The following FAT3 variants were observed in gnomAD, a reference collection of about 807,000 sequenced individuals.
FAT3 encodes the protein FAT atypical cadherin 3.
FAT3 carries 95 observed loss-of-function variants against 310.2 expected under a neutral mutation model. The observed-to-expected ratio is 0.31, with a 90% CI of 0.26 to 0.36. The LOEUF (loss-of-function observed/expected upper bound fraction) is 0.36, where lower values mean the gene tolerates loss of function less well. Among genes scored for constraint, FAT3 ranks in the 10% least tolerant of loss-of-function variants. The probability of loss-of-function intolerance (pLI) is 1.00; values close to 1 mark genes in which losing one functional copy is unlikely to be tolerated. For missense variants in FAT3, 5,408 were observed against 5,715.6 expected (o/e 0.95, Z 1.74); for synonymous variants, 2,314 against 2,192.9 (o/e 1.06, Z -1.54).
Position 92,474,477 on chromosome 11 carries a change from G to T in FAT3, c.3293-50157G>T, listed in dbSNP as rs1444506838. Reference sequence around the variant, plus strand: ...TCTACCTTAACTGGTTGTAATTCATGTATCAAATGTGTTCAGTGTGCTGGG... The same window carrying T: ...TCTACCTTAACTGGTTGTAATTCATTTATCAAATGTGTTCAGTGTGCTGGG... On this transcript the variant is annotated intron_variant, in intron 2 of 27. Transcript: ENST00000525166. Among the ~76,000 whole-genome samples, 5 of 152,134 alleles carry T rather than the reference G, an allele frequency of 3.3e-5. No individual in the cohort carries two copies. In the East Asian group the frequency reaches 9.7e-4, roughly 29 times the overall value.
At chr11:92,755,593 G>GT (rs1219184821) in intron 4 of FAT3, among the ~76,000 whole-genome samples, 1 of 152,194 alleles carries the variant, frequency 6.6e-6, no homozygotes, top group Non-Finnish European at 1.5e-5. Context: ...TAATTAACCT[G>GT]TTTTAGCCAT....
In FAT3 at chr11:92,847,395, C is replaced by T. The variant is rs187094363; in HGVS notation, c.11365+2663C>T. Among the ~76,000 whole-genome samples, 6 of 152,272 alleles carry T rather than the reference C, an allele frequency of 3.9e-5. No individual in the cohort carries two copies. The East Asian group carries it at 1.2e-3, about 29-fold the overall frequency. On this transcript the variant is annotated intron_variant, in intron 19 of 27. Coordinates refer to ENST00000525166, the MANE Select transcript of FAT3 (RefSeq NM_001367949.2). ...CTGGGTGCATAGTAGGCTGTGCTAT[C>T]TAGGTTTGTGTAAGCGCACTCTATG...
intron 1 of FAT3, among the ~76,000 whole-genome samples, chr11:92,247,430 A>AAAC (rs1864962453): frequency 6.6e-6 from 1 of 151,560 alleles, no homozygotes; most frequent in Admixed American, 6.6e-5. Context: ...TGCTGAAGTA[A>AAAC]TTCACCGCAC....
At chr11:92,665,699 GC>G (rs34950972) in intron 3 of FAT3, among the ~76,000 whole-genome samples, 1 of 152,090 alleles carries the variant, frequency 6.6e-6, no homozygotes, top group Admixed American at 6.5e-5. Flanking sequence ...TGGTCTATTT[GC>G]CCATGTTCTC....
intron 13 of FAT3, among the ~76,000 whole-genome samples, chr11:92,831,353 GA>G (rs1454711494): frequency 2.0e-5 from 3 of 152,170 alleles, no homozygotes; most frequent in Non-Finnish European, 4.4e-5. Context: ...TTTTCTTAAA[GA>G]TTTGTGGGGG....
At chr11:92,757,811 A>C (rs1946044351) in intron 4 of FAT3, among the ~76,000 whole-genome samples, 1 of 152,224 alleles carries the variant, frequency 6.6e-6, no homozygotes, top group Non-Finnish European at 1.5e-5. Flanking sequence ...CTCACAGTGC[A>C]CTGAAGGAGA....
At chr11:92,827,776 CCA>C (rs1948138525) in intron 13 of FAT3, among the ~76,000 whole-genome samples, 1 of 152,170 alleles carries the variant, frequency 6.6e-6, no homozygotes, top group South Asian at 2.1e-4. Flanking sequence ...CTATCCCACT[CCA>C]CAAATTGCCA....
At chr11:92,594,225 C>T (rs916106982) in intron 3 of FAT3, among the ~76,000 whole-genome samples, 1 of 152,120 alleles carries the variant, frequency 6.6e-6, no homozygotes, top group African/African-American at 2.4e-5. Flanking sequence ...GGCAGATCAC[C>T]CAAGGTCAGG....
intron 2 of FAT3, among the ~76,000 whole-genome samples, chr11:92,476,502 A>G (rs1057365043): frequency 3.9e-5 from 6 of 152,200 alleles, no homozygotes; most frequent in Non-Finnish European, 5.9e-5. Context: ...CCTTGTACAC[A>G]TACACATGCA....
At position 92,583,510 on chromosome 11, in the gene FAT3, G is replaced by A. The variant is rs550185062; in HGVS notation, c.3607+58562G>A. Among the ~76,000 whole-genome samples, 26 of 152,058 alleles carry A rather than the reference G, an allele frequency of 1.7e-4. No individual in the cohort carries two copies. The South Asian group carries it at 5.4e-3, about 32-fold the overall frequency. ...ACATAATCTGTCTCCAGGAACCTTA[G>A]CAAAACCGCAAAGTATAAATGATGT... On this transcript the variant is annotated intron_variant, in intron 3 of 27. Transcript: ENST00000525166.
chr11:92,351,966 A>G, intron 1 of FAT3, 130 bp from the exon 2 acceptor site: 1 of 458,360 alleles, frequency 2.2e-6, no homozygotes, highest in East Asian at 9.8e-5. Flanking sequence ...TTTTTCTTAT[A>G]TTGCTGTTTT....
intron 1 of FAT3, among the ~76,000 whole-genome samples, chr11:92,235,918 T>C (rs1864398026): frequency 6.6e-6 from 1 of 152,236 alleles, no homozygotes; most frequent in African/African-American, 2.4e-5. Context: ...AAGGGTGTTA[T>C]GTACCTAATA....
At chr11:92,448,101 C>A (rs377319423) in intron 2 of FAT3, among the ~76,000 whole-genome samples, 1 of 152,082 alleles carries the variant, frequency 6.6e-6, no homozygotes, top group Non-Finnish European at 1.5e-5. Flanking sequence ...TTTTCTGTGG[C>A]CAGTTCCCTT....
chr11:92,611,855 T>A (rs1389306385), intron 3 of FAT3, among the ~76,000 whole-genome samples: 1 of 152,154 alleles, frequency 6.6e-6, no homozygotes, highest in Admixed American at 6.5e-5. Flanking sequence ...AATGGAGAAG[T>A]TAGTTGATAC....
At chr11:92,271,792 GCTAT>G (rs1946130121) in intron 1 of FAT3, among the ~76,000 whole-genome samples, 2 of 152,296 alleles carry the variant, frequency 1.3e-5, no homozygotes, top group Admixed American at 1.3e-4. Context: ...ATCTGAAGAA[GCTAT>G]GCTGCCAGAT....
At chr11:92,330,254 AGT>A (rs1202766324) in intron 1 of FAT3, among the ~76,000 whole-genome samples, 2 of 152,196 alleles carry the variant, frequency 1.3e-5, no homozygotes, top group East Asian at 3.9e-4. Flanking sequence ...AAACTAAAAT[AGT>A]GTGTTTCTAG....
chr11:92,862,653 C>G (rs1461823133), intron 21 of FAT3, among the ~76,000 whole-genome samples: 9 of 152,070 alleles, frequency 5.9e-5, no homozygotes, highest in Non-Finnish European at 1.3e-4. Flanking sequence ...CAATATAGAT[C>G]AAAAGAGTAA....
At chr11:92,454,315 A>C (rs919810269) in intron 2 of FAT3, among the ~76,000 whole-genome samples, 5 of 152,198 alleles carry the variant, frequency 3.3e-5, no homozygotes, top group African/African-American at 9.6e-5. Flanking sequence ...ATGAAGATTA[A>C]TAAAAAAGTA....
chr11:92,886,328 G>GGT (rs143452563), intron 24 of FAT3, among the ~76,000 whole-genome samples: 36,824 of 150,312 alleles, frequency 0.24, 4,812 homozygotes, highest in South Asian at 0.35. Flanking sequence ...AAGTAGCCCT[G>GGT]GTGTGTGTGT....
Sources: allele counts gnomAD v4.1 joint callset (sites outside exome capture counted in the v4.1 genomes callset), GRCh38; gene constraint gnomAD v4.1.1; transcripts MANE v1.5; gene names NCBI Gene and HGNC (gene_info 2026-07-23, HGNC 2026-07-21).